SPHKAP: variants seen among roughly 807,000 people sequenced by gnomAD.
SPHKAP encodes SPHK1 interactor, AKAP domain containing.
In SPHKAP, 67 loss-of-function variants were observed where a neutral mutation model predicts 137.5. The ratio of observed to expected loss-of-function variants is 0.49; its 90% confidence interval spans 0.40 to 0.60. SPHKAP has a LOEUF of 0.60. SPHKAP is among the 20% of genes least tolerant of loss of function. The probability of loss-of-function intolerance (pLI) is 0.00; values close to 1 mark genes in which losing one functional copy is unlikely to be tolerated. For missense variants in SPHKAP, 2,097 were observed against 2,069.3 expected (o/e 1.01, Z -0.26); for synonymous variants, 813 against 785.3 (o/e 1.04, Z -0.59).
intron 2 of SPHKAP, among the ~76,000 whole-genome samples, chr2:228,125,565 C>A (rs138169932): frequency 2.4e-4 from 36 of 152,310 alleles, no homozygotes; most frequent in East Asian, 1.2e-3. Context: ...AACCTGGGAT[C>A]TAATTCAAGT....
intron 4 of SPHKAP, 29 bp from the exon 5 acceptor site, chr2:228,025,557 G>T: frequency 6.2e-7 from 1 of 1,608,686 alleles, no homozygotes; most frequent in Non-Finnish European, 8.5e-7. Context: ...TATTAGTTTA[G>T]CTGATTTCTT....
Position 228,018,202 on chromosome 2 carries a change from T to C in SPHKAP, c.2652A>G (p.Gln884=), listed in dbSNP as rs781082578. 1.2e-6 allele frequency: 2 copies of C among 1,614,182 alleles called. No individual in the cohort carries two copies. Among genetic ancestry groups the C allele is most frequent in the Non-Finnish European group, 8.5e-7 (1 of 1,180,034 alleles). The part of the protein sequence containing the change: ...EAEESIHPNT[Q]EKYNCATSRI... Reference sequence around the variant, plus strand: ...GAGATGTGGCACAGTTGTACTTTTCTTGGGTGTTTGGGTGGATACTCTCCT... The same window carrying C: ...GAGATGTGGCACAGTTGTACTTTTCCTGGGTGTTTGGGTGGATACTCTCCT... The change falls in exon 7 of 12, where the codon CAA becomes CAG. Residue 884 remains glutamine, a synonymous_variant. Transcript: ENST00000392056.
At chr2:228,074,818 CCTT>C (rs1219708095) in intron 3 of SPHKAP, among the ~76,000 whole-genome samples, 23 of 152,130 alleles carry the variant, frequency 1.5e-4, no homozygotes, top group Non-Finnish European at 8.8e-5. Flanking sequence ...TCCTTCCTCC[CCTT>C]CTTTTCTTCC....
chr2:228,058,184 C>G (rs1434305165), intron 3 of SPHKAP, among the ~76,000 whole-genome samples: 1 of 152,172 alleles, frequency 6.6e-6, no homozygotes, highest in Non-Finnish European at 1.5e-5. Context: ...CCAGCTACCC[C>G]ATTCTAGCCC....
intron 1 of SPHKAP, among the ~76,000 whole-genome samples, chr2:228,139,316 A>C (rs4426525): frequency 0.33 from 49,551 of 151,960 alleles, 8,542 homozygotes; most frequent in East Asian, 0.51. Context: ...TCAGATATAC[A>C]CAGTAAAATG....
chr2:228,022,676 C>T (rs1467038637), intron 5 of SPHKAP, among the ~76,000 whole-genome samples: 3 of 152,136 alleles, frequency 2.0e-5, no homozygotes, highest in Admixed American at 2.0e-4. Flanking sequence ...TATAAATTTT[C>T]TAGATTAAAT....
intron 3 of SPHKAP, among the ~76,000 whole-genome samples, chr2:228,075,228 A>T (rs771765070): frequency 6.6e-6 from 1 of 152,254 alleles, no homozygotes; most frequent in African/African-American, 2.4e-5. Context: ...TTGTGCCACA[A>T]ATGTAGTAAC....
intron 1 of SPHKAP, among the ~76,000 whole-genome samples, chr2:228,177,867 TATC>T (rs1700786582): frequency 2.0e-5 from 3 of 152,154 alleles, no homozygotes; most frequent in Admixed American, 6.5e-5. Context: ...GTTTTGATCT[TATC>T]ATTCGAAATG....
intron 2 of SPHKAP, among the ~76,000 whole-genome samples, chr2:228,118,852 T>A (rs1698809467): frequency 6.6e-6 from 1 of 152,164 alleles, no homozygotes; most frequent in African/African-American, 2.4e-5. Flanking sequence ...ACTGGAGCAT[T>A]GGTGCACAAA....
intron 1 of SPHKAP, among the ~76,000 whole-genome samples, chr2:228,171,397 G>T (rs1352441603): frequency 6.6e-6 from 1 of 152,006 alleles, no homozygotes; most frequent in Non-Finnish European, 1.5e-5. Context: ...ACATCCAATG[G>T]GTTCCCATTT....
intron 3 of SPHKAP, among the ~76,000 whole-genome samples, chr2:228,101,151 C>T (rs1698172067): frequency 6.6e-6 from 1 of 152,124 alleles, no homozygotes; most frequent in South Asian, 2.1e-4. Context: ...ATTTGAATGA[C>T]TAAAGGGCAT....
chr2:228,018,695 G>C lies in SPHKAP; in HGVS notation c.2159C>G (p.Thr720Arg). The C allele has an allele frequency of 1.2e-6, 2 of 1,614,186 alleles. No homozygotes were observed. The highest frequency in any genetic ancestry group is 2.2e-5 in the East Asian group (1 of 44,886). Reference sequence around the variant, plus strand: ...TACAATATGACTCATCTTCTTGAACGTGAAGCATATCACATCTAAAAGCAG... The same window carrying C: ...TACAATATGACTCATCTTCTTGAACCTGAAGCATATCACATCTAAAAGCAG... Reference protein sequence around the residue: ...NQLLLDVICFTFKKMSHIVRL... With the variant: ...NQLLLDVICFRFKKMSHIVRL... Residue 720 changes from threonine to arginine, a missense_variant, in exon 7 of 12, where the codon ACG (threonine) becomes AGG (arginine). Transcript: ENST00000392056.
At chr2:228,061,915 G>A (rs1696650378) in intron 3 of SPHKAP, among the ~76,000 whole-genome samples, 1 of 152,046 alleles carries the variant, frequency 6.6e-6, no homozygotes, top group South Asian at 2.1e-4. Context: ...GTGAGATAAG[G>A]AATATCACCC....
intron 1 of SPHKAP, among the ~76,000 whole-genome samples, chr2:228,135,718 C>G (rs1699419091): frequency 6.6e-6 from 1 of 152,070 alleles, no homozygotes; most frequent in Non-Finnish European, 1.5e-5. Flanking sequence ...ATAAATTTAA[C>G]TATATATATG....
At chr2:228,035,566 A>G (rs1695555020) in intron 3 of SPHKAP, among the ~76,000 whole-genome samples, 1 of 152,254 alleles carries the variant, frequency 6.6e-6, no homozygotes, top group Non-Finnish European at 1.5e-5. Context: ...AAGAGCCTGT[A>G]TCGCCAAGTC....
chr2:228,072,789 C>G (rs547355737), intron 3 of SPHKAP, among the ~76,000 whole-genome samples: 3 of 152,200 alleles, frequency 2.0e-5, no homozygotes, highest in African/African-American at 7.2e-5. Flanking sequence ...GGATGCCCAG[C>G]TATTTGAAGT....
intron 3 of SPHKAP, among the ~76,000 whole-genome samples, chr2:228,085,922 G>A (rs959951353): frequency 2.0e-5 from 3 of 152,078 alleles, no homozygotes; most frequent in Non-Finnish European, 2.9e-5. Flanking sequence ...TCATGAAAGA[G>A]GTCAGCCATA....
At chr2:228,032,084 G>A (rs1219777016) in intron 3 of SPHKAP, among the ~76,000 whole-genome samples, 1 of 152,110 alleles carries the variant, frequency 6.6e-6, no homozygotes, top group East Asian at 1.9e-4. Flanking sequence ...AAACTACTCC[G>A]AACTACAGGA....
intron 1 of SPHKAP, among the ~76,000 whole-genome samples, chr2:228,148,037 T>A (rs1251308647): frequency 6.6e-6 from 1 of 152,200 alleles, no homozygotes; most frequent in Non-Finnish European, 1.5e-5. Flanking sequence ...GGATGCCCTG[T>A]TGTCCTCACA....
Sources: allele counts gnomAD v4.1 joint callset (sites outside exome capture counted in the v4.1 genomes callset), GRCh38; gene constraint gnomAD v4.1.1; transcripts MANE v1.5; gene names NCBI Gene and HGNC (gene_info 2026-07-23, HGNC 2026-07-21).